Variants in RGS6 observed in about 807,000 individuals in gnomAD.
The protein encoded by RGS6 is regulator of G-protein signaling 6.
In RGS6, 30 loss-of-function variants were observed where a neutral mutation model predicts 78.5. That is an observed-to-expected ratio of 0.38 (90% confidence interval 0.29 to 0.52). The LOEUF (loss-of-function observed/expected upper bound fraction) is 0.52. RGS6 is among the 20% of genes least tolerant of loss of function. The probability of loss-of-function intolerance (pLI) is 0.85; values close to 1 mark genes in which losing one functional copy is unlikely to be tolerated. For missense variants in RGS6, 495 were observed against 609.7 expected, an observed-to-expected ratio of 0.81 and a Z score of 1.98; for synonymous variants, 206 against 206.0, an observed-to-expected ratio of 1.00 and a Z score of 0.00.
At chr14:72,418,313 C>T (rs1372711800) in intron 3 of RGS6, among the ~76,000 whole-genome samples, 1 of 152,018 alleles carries the variant, frequency 6.6e-6, no homozygotes, top group African/African-American at 2.4e-5. Context: ...ATAACAGGCA[C>T]CTGCCACTAC....
At chr14:72,474,601 TATG>T (rs2096184571) in intron 9 of RGS6, 21 bp from the exon 10 acceptor site, 1 of 1,593,556 alleles carries the variant, frequency 6.3e-7, no homozygotes, top group South Asian at 1.2e-5. Flanking sequence ...TAGTAATTTA[TATG>T]ATGTGTTTTT....
chr14:72,254,924 A>G (rs1475843492), intron 2 of RGS6, among the ~76,000 whole-genome samples: 1 of 152,212 alleles, frequency 6.6e-6, no homozygotes, highest in Non-Finnish European at 1.5e-5. Flanking sequence ...GATAGGTTAC[A>G]GAGCAGTGTT....
At chr14:72,253,430 C>A (rs1042832908) in intron 2 of RGS6, among the ~76,000 whole-genome samples, 2 of 152,238 alleles carry the variant, frequency 1.3e-5, no homozygotes, top group Non-Finnish European at 2.9e-5. Context: ...CCAACTTTTT[C>A]TTAAAGACCA....
At chr14:72,395,028 A>G (rs2090877252) in intron 3 of RGS6, among the ~76,000 whole-genome samples, 1 of 152,206 alleles carries the variant, frequency 6.6e-6, no homozygotes, top group Non-Finnish European at 1.5e-5. Flanking sequence ...CTGCAACAAT[A>G]ATTATTTATT....
intron 2 of RGS6, among the ~76,000 whole-genome samples, chr14:72,244,665 C>T (rs552963207): frequency 2.6e-5 from 4 of 152,310 alleles, no homozygotes; most frequent in South Asian, 2.1e-4. Flanking sequence ...CAAGCTCCCC[C>T]ATACCTGCAC....
intron 2 of RGS6, among the ~76,000 whole-genome samples, chr14:72,281,953 G>A (rs140001651): frequency 1.8e-4 from 27 of 152,276 alleles, no homozygotes; most frequent in African/African-American, 4.6e-4. Flanking sequence ...GATTTTAAGC[G>A]AGAGTGACAG....
At chr14:72,310,074 C>T (rs1407470352) in intron 2 of RGS6, among the ~76,000 whole-genome samples, 2 of 152,238 alleles carry the variant, frequency 1.3e-5, no homozygotes, top group Non-Finnish European at 1.5e-5. Flanking sequence ...TCCGCCAGCT[C>T]TTCTCGGCAT....
intron 1 of RGS6, among the ~76,000 whole-genome samples, chr14:71,943,907 A>G (rs1555394108): frequency 1.3e-5 from 2 of 152,108 alleles, no homozygotes; most frequent in Non-Finnish European, 2.9e-5. Flanking sequence ...GGGTGCATGG[A>G]TTGGTATGAG....
intron 2 of RGS6, among the ~76,000 whole-genome samples, chr14:72,004,735 G>T (rs1435039147): frequency 6.6e-6 from 1 of 152,136 alleles, no homozygotes; most frequent in African/African-American, 2.4e-5. Flanking sequence ...TGAGGTGAGA[G>T]AATCACTTGA....
intron 2 of RGS6, among the ~76,000 whole-genome samples, chr14:72,064,847 TA>T (rs953490021): frequency 2.6e-5 from 4 of 152,170 alleles, no homozygotes; most frequent in Non-Finnish European, 4.4e-5. Context: ...CATCAGTGAT[TA>T]AAAAAACAAC....
intron 2 of RGS6, among the ~76,000 whole-genome samples, chr14:72,163,709 C>A (rs539868885): frequency 1.3e-5 from 2 of 152,002 alleles, no homozygotes; most frequent in Non-Finnish European, 2.9e-5. Context: ...GTGGTGAAAC[C>A]CCATCTCCAC....
chr14:72,519,303 T>G (rs761146616), intron 15 of RGS6, among the ~76,000 whole-genome samples: 3 of 152,184 alleles, frequency 2.0e-5, no homozygotes, highest in Non-Finnish European at 4.4e-5. Flanking sequence ...TGGGTTGGTT[T>G]CTTACTTCCT....
intron 2 of RGS6, among the ~76,000 whole-genome samples, chr14:72,100,231 G>A (rs1385634576): frequency 6.6e-6 from 1 of 152,186 alleles, no homozygotes; most frequent in African/African-American, 2.4e-5. Flanking sequence ...GGGGCTGGGT[G>A]TGGTGGCTCA....
chr14:71,948,740 CTTTTTTT>C (rs71305831), intron 1 of RGS6, among the ~76,000 whole-genome samples: 4 of 65,180 alleles, frequency 6.1e-5, no homozygotes, highest in Non-Finnish European at 2.5e-5. Context: ...CTCTCTCTCT[CTTTTTTT>C]TTTTTTTTTT....
chr14:71,997,996 C>T (rs1180669560), intron 2 of RGS6, among the ~76,000 whole-genome samples: 2 of 152,144 alleles, frequency 1.3e-5, no homozygotes, highest in African/African-American at 4.8e-5. Flanking sequence ...GATGTGCACC[C>T]ATGACACAGC....
the RGS6 span, among the ~76,000 whole-genome samples, chr14:71,918,026 A>T: frequency 2.0e-5 from 3 of 151,820 alleles, no homozygotes; most frequent in Admixed American, 2.0e-4. Context: ...ACAAAAAAAT[A>T]AAAAATTAGC....
At chr14:72,087,413 G>A (rs2095089894) in intron 2 of RGS6, among the ~76,000 whole-genome samples, 1 of 152,078 alleles carries the variant, frequency 6.6e-6, no homozygotes, top group Non-Finnish European at 1.5e-5. Context: ...TTACAGGTAT[G>A]AGCCACCGCA....
chr14:72,161,894 A>C (rs1187069798), intron 2 of RGS6, among the ~76,000 whole-genome samples: 1 of 152,164 alleles, frequency 6.6e-6, no homozygotes, highest in Non-Finnish European at 1.5e-5. Flanking sequence ...TCTTGTTCTT[A>C]AGTTCTGTGG....
At chr14:72,381,599 T>A (rs2086124735) in intron 3 of RGS6, among the ~76,000 whole-genome samples, 4 of 152,082 alleles carry the variant, frequency 2.6e-5, no homozygotes, top group Non-Finnish European at 4.4e-5. Flanking sequence ...TGAAACTATC[T>A]TTCAACAAGA....
Sources: allele counts gnomAD v4.1 joint callset (sites outside exome capture counted in the v4.1 genomes callset), GRCh38; gene constraint gnomAD v4.1.1; transcripts MANE v1.5; gene names NCBI Gene and HGNC (gene_info 2026-07-23, HGNC 2026-07-21).